Variants in ASB9 observed in about 807,000 individuals in gnomAD.
The protein encoded by ASB9 is ankyrin repeat and SOCS box protein 9.
ASB9 carries 5 observed loss-of-function variants against 16.6 expected under a neutral mutation model. The observed-to-expected ratio is 0.30, with a 90% CI of 0.16 to 0.63. The LOEUF (loss-of-function observed/expected upper bound fraction) is 0.63. Among genes scored for constraint, ASB9 ranks in the 30% least tolerant of loss-of-function variants. The probability of loss-of-function intolerance (pLI) is 0.82; values close to 1 mark genes in which losing one functional copy is unlikely to be tolerated. For synonymous variants in ASB9, 100 were observed against 86.4 expected (o/e 1.16, Z -0.87); for missense variants, 216 against 229.4 (o/e 0.94, Z 0.38).
intron 1 of ASB9, among the ~76,000 whole-genome samples, chrX:15,261,326 T>C (rs910532901): frequency 1.1e-4 from 12 of 111,997 alleles, no homozygotes; most frequent in African/African-American, 3.6e-4. Context: ...GATTTGCAAA[T>C]GTATCTTGAT....
At chrX:15,247,247 G>A (rs1326603259) in intron 6 of ASB9, among the ~76,000 whole-genome samples, 1 of 111,854 alleles carries the variant, frequency 8.9e-6, no homozygotes, top group Non-Finnish European at 1.9e-5. Context: ...TTGACTCATG[G>A]AGGCAAAACA....
At chrX:15,252,223 G>A (rs1165376388) in intron 4 of ASB9, 31 bp downstream of exon 4, 1 of 1,167,708 alleles carries the variant, frequency 8.6e-7, no homozygotes, top group Non-Finnish European at 1.1e-6. Context: ...TTGAAGGAGT[G>A]GGTAGAAAAA....
chrX:15,244,669 A>T, intron 6 of ASB9, 39 bp from the exon 7 acceptor site: 1 of 1,121,647 alleles, frequency 8.9e-7, no homozygotes, highest in Non-Finnish European at 1.2e-6. Flanking sequence ...CAATGGTGCT[A>T]TTGATCTAAG....
intron 1 of ASB9, chrX:15,259,201 G>C: frequency 3.6e-6 from 1 of 280,574 alleles, no homozygotes; most frequent in South Asian, 1.4e-4. Flanking sequence ...AGGTGGATTG[G>C]GATGACAGAT....
intron 1 of ASB9, among the ~76,000 whole-genome samples, chrX:15,266,623 A>T (rs1480625328): frequency 2.7e-5 from 3 of 111,444 alleles, no homozygotes; most frequent in Non-Finnish European, 5.6e-5. Context: ...ACCCACCCTG[A>T]CCCCACCAGG....
chrX:15,250,872 C>T (rs1650088589), intron 4 of ASB9, among the ~76,000 whole-genome samples: 1 of 111,590 alleles, frequency 9.0e-6, no homozygotes, highest in African/African-American at 3.3e-5. Context: ...AGGCGCCCGC[C>T]ACCACACCCT....
intron 1 of ASB9, among the ~76,000 whole-genome samples, chrX:15,265,485 G>A (rs965334036): frequency 2.7e-5 from 3 of 111,835 alleles, no homozygotes; most frequent in African/African-American, 9.8e-5. Flanking sequence ...TCCAAAGTTC[G>A]ATCCAAATGT....
upstream of ASB9, chrX:15,270,377 C>T (rs1200882214): frequency 8.9e-6 from 1 of 112,519 alleles, no homozygotes; most frequent in Non-Finnish European, 1.9e-5. Flanking sequence ...GAGACAAGCC[C>T]GAGCACCCAG....
chrX:15,251,535 C>CT (rs1316723532), intron 4 of ASB9, among the ~76,000 whole-genome samples: 1 of 112,020 alleles, frequency 8.9e-6, no homozygotes, highest in Non-Finnish European at 1.9e-5. Flanking sequence ...AATATTAATG[C>CT]TTTGGGAGAT....
rs1408243235 is a variant in ASB9, at chrX:15,248,946, A to G, written c.569-11T>C. ...GGTTCACGTCCGCTCCTAAACAGTC[A>G]CGAGAACAAAAAAGAGTCAGCAAGG... On this transcript the variant is annotated splice_polypyrimidine_tract_variant and intron_variant, in intron 5 of 6. Transcript: ENST00000380488. 3 of 1,150,165 alleles carry G rather than the reference A, an allele frequency of 2.6e-6. No homozygotes were observed. Among genetic ancestry groups the G allele is most frequent in the Admixed American group, 2.7e-5 (1 of 37,422 alleles). The allele number at this position is 1,150,165 out of a possible 1,213,427, so 94.8% of individuals were successfully genotyped here.
rs563745999 is a variant in ASB9 at position 15,262,554 on chromosome X, G to A, written c.95-3609C>T. Among the ~76,000 whole-genome samples the A allele has an allele frequency of 5.2e-4, 59 of 112,655 alleles. 1 individual carries two copies. In the South Asian group the frequency reaches 0.021, roughly 39 times the overall value. ...TTATACAAGGACTTTGACCTCAGCA[G>A]GTATCAGAACAAATGAGTGATTATG... On this transcript the variant is annotated intron_variant, in intron 1 of 6. Transcript: ENST00000380488.
intron 1 of ASB9, among the ~76,000 whole-genome samples, chrX:15,261,937 C>T (rs1925998651): frequency 8.9e-6 from 1 of 112,209 alleles, no homozygotes; most frequent in African/African-American, 3.2e-5. Flanking sequence ...CATTAGCAGT[C>T]ACTCCACAGT....
intron 1 of ASB9, among the ~76,000 whole-genome samples, chrX:15,268,808 C>A (rs1338311994): frequency 2.7e-5 from 2 of 75,078 alleles, no homozygotes; most frequent in African/African-American, 9.3e-5. Flanking sequence ...AGCAAGACTC[C>A]GTCTCAAAAA....
At chrX:15,257,003 C>T (rs1925624770) in intron 2 of ASB9, among the ~76,000 whole-genome samples, 3 of 110,696 alleles carry the variant, frequency 2.7e-5, no homozygotes, top group Non-Finnish European at 5.7e-5. Context: ...GCAAGTGTAT[C>T]AGACACAAGT....
Position 15,250,498 on chromosome X carries a change from A to G in ASB9, c.500T>C (p.Leu167Pro). 8.3e-7 allele frequency: 1 copy of G among 1,209,822 alleles called. No homozygotes were observed. The highest frequency in any genetic ancestry group is 1.1e-6 in the Non-Finnish European group (1 of 893,429). Residue 167 changes from leucine to proline, a missense_variant, in exon 5 of 7, where the codon CTG (leucine) becomes CCG (proline). Physicochemically the swap from Leu to Pro is moderately conservative, Grantham distance 98 (BLOSUM62 -3). Coordinates refer to ENST00000380488, the MANE Select transcript of ASB9 (RefSeq NM_001031739.3). The part of the protein sequence containing the change: ...GGNIDHKISH[L>P]GTPLYLACEN... ...ACAAGCCAAATAGAGTGGAGTGCCC[A>G]GGTGGCTGATCTTATGGTCAATGTT...
At chrX:15,264,009 A>T (rs750976961) in intron 1 of ASB9, among the ~76,000 whole-genome samples, 3 of 111,780 alleles carry the variant, frequency 2.7e-5, no homozygotes, top group Non-Finnish European at 5.6e-5. Flanking sequence ...GAAACACCAC[A>T]AACTGGGTGG....
intron 1 of ASB9, among the ~76,000 whole-genome samples, chrX:15,265,588 T>C (rs991324609): frequency 8.1e-5 from 9 of 110,967 alleles, no homozygotes; most frequent in African/African-American, 2.6e-4. Flanking sequence ...TGAATGCAGA[T>C]TCCTAGGCCC....
chrX:15,250,459 C>G lies in ASB9; in HGVS notation c.539G>C (p.Arg180Thr). Residue 180 changes from arginine to threonine, a missense_variant, in exon 5 of 7, where the codon AGA (arginine) becomes ACA (threonine). By Grantham distance (71) the Arg-to-Thr change is moderately conservative (BLOSUM62 -1). Coordinates refer to ENST00000380488, the MANE Select transcript of ASB9 (RefSeq NM_001031739.3). Reference protein sequence around the residue: ...PLYLACENQQRACVKKLLESG... With the variant: ...PLYLACENQQTACVKKLLESG... Reference sequence around the variant, plus strand: ...CTCCAGAAGCTTCTTGACACAGGCTCTCTGTTGGTTTTCACAAGCCAAATA... The same window carrying G: ...CTCCAGAAGCTTCTTGACACAGGCTGTCTGTTGGTTTTCACAAGCCAAATA... 1 of 1,211,453 alleles carries G rather than the reference C, an allele frequency of 8.3e-7. No homozygotes were observed. Among genetic ancestry groups the G allele is most frequent in the Non-Finnish European group, 1.1e-6 (1 of 895,135 alleles).
chrX:15,258,817 T>C lies in ASB9; in HGVS notation c.174+49A>G, dbSNP rs756450144. On this transcript the variant is annotated intron_variant, in intron 2 of 6. Coordinates refer to ENST00000380488, the MANE Select transcript of ASB9 (RefSeq NM_001031739.3). The stretch of plus-strand genomic sequence containing the variant: ...CCTATGTTATTATGTCACACATTTG[T>C]TTTAATATTTTGATAGGTTTCTTCT... 3.7e-5 allele frequency: 37 copies of C among 997,531 alleles called. No homozygotes were observed. In the Middle Eastern group the frequency reaches 1.3e-3, roughly 35 times the overall value. The allele number at this position is 997,531 out of a possible 1,213,427, so 82.2% of individuals were successfully genotyped here.
Sources: gnomAD v4.1 joint callset for allele counts (sites outside exome capture counted in the v4.1 genomes callset) on GRCh38, gnomAD v4.1.1 for gene constraint, MANE v1.5 for transcripts, NCBI Gene and HGNC (gene_info 2026-07-23, HGNC 2026-07-21) for gene names.